Variants in FMNL2 observed in about 807,000 individuals in gnomAD.
The protein encoded by FMNL2 is formin-like protein 2.
Under a neutral mutation model 130.2 loss-of-function variants are expected in FMNL2, and 51 were observed. The observed-to-expected ratio is 0.39, with a 90% CI of 0.31 to 0.49. The LOEUF is 0.49. Ranked by LOEUF, FMNL2 falls within the 20% of genes least tolerant of loss-of-function variation. The pLI is 0.85. For synonymous variants in FMNL2, 465 were observed against 467.1 expected (o/e 1.00, Z 0.06); for missense variants, 977 against 1,316.2 (o/e 0.74, Z 3.99).
At chr2:152,499,687 T>G (rs1341549841) in intron 1 of FMNL2, among the ~76,000 whole-genome samples, 1 of 152,184 alleles carries the variant, frequency 6.6e-6, no homozygotes. Flanking sequence ...TGAATAGGTT[T>G]CTGCTGGCAG....
intron 1 of FMNL2, among the ~76,000 whole-genome samples, chr2:152,464,651 A>G (rs571108113): frequency 8.7e-4 from 133 of 152,338 alleles, no homozygotes; most frequent in African/African-American, 3.1e-3. Context: ...GATTGAGTGT[A>G]AAATGAGTTA....
At position 152,629,570 on chromosome 2, in the gene FMNL2, C is replaced by A. The variant is rs555960204; in HGVS notation, c.2401-86C>A. 218 of 1,262,580 alleles carry A rather than the reference C, an allele frequency of 1.7e-4. No homozygotes were observed. The East Asian group carries it at 5.2e-3, about 30-fold the overall frequency. 78.2% of individuals were successfully genotyped at this position (1,262,580 alleles called of 1,614,324 possible). ...TATGCTCTAAATGCAGGCCTGTTTT[C>A]TTCTGTCTTAATATTTACTTGCCAA... is the stretch of plus-strand genomic sequence containing the variant. On this transcript the variant is annotated intron_variant, in intron 18 of 25. Transcript: ENST00000288670.
At chr2:152,563,240 T>A (rs1695632827) in intron 6 of FMNL2, among the ~76,000 whole-genome samples, 3 of 152,244 alleles carry the variant, frequency 2.0e-5, no homozygotes, top group African/African-American at 7.2e-5. Flanking sequence ...ATGATGTTTC[T>A]GGTTGGCAGG....
intron 1 of FMNL2, among the ~76,000 whole-genome samples, chr2:152,341,313 T>C (rs755325209): frequency 3.9e-5 from 6 of 152,194 alleles, no homozygotes; most frequent in African/African-American, 7.2e-5. Flanking sequence ...ATGCATTTTT[T>C]CCTCCTAATA....
intron 3 of FMNL2, among the ~76,000 whole-genome samples, chr2:152,547,095 G>A (rs1290315862): frequency 2.0e-5 from 3 of 152,034 alleles, no homozygotes; most frequent in African/African-American, 7.2e-5. Flanking sequence ...ACAGGCTTGT[G>A]CTACCATGCC....
At chr2:152,479,714 GGTTGT>G (rs1334892194) in intron 1 of FMNL2, among the ~76,000 whole-genome samples, 2 of 125,286 alleles carry the variant, frequency 1.6e-5, no homozygotes, top group Non-Finnish European at 3.1e-5. Flanking sequence ...GGATGTTGTG[GGTTGT>G]TTTTTTTTTT....
At chr2:152,404,758 A>G (rs997080926) in intron 1 of FMNL2, among the ~76,000 whole-genome samples, 1 of 152,180 alleles carries the variant, frequency 6.6e-6, no homozygotes, top group Non-Finnish European at 1.5e-5. Flanking sequence ...CTACCATCCT[A>G]GAGTGGGTGT....
chr2:152,595,412 C>T (rs1017609384), intron 9 of FMNL2, among the ~76,000 whole-genome samples: 2 of 151,798 alleles, frequency 1.3e-5, no homozygotes, highest in African/African-American at 4.8e-5. Context: ...CCTCCACCTC[C>T]CGAGTTCAGG....
chr2:152,478,229 CATATATATATAT>C (rs1553462980), intron 1 of FMNL2, among the ~76,000 whole-genome samples: 3 of 116,884 alleles, frequency 2.6e-5, no homozygotes, highest in East Asian at 5.1e-4. Flanking sequence ...TACATATATA[CATATATATATAT>C]ATATATATAT....
intron 6 of FMNL2, among the ~76,000 whole-genome samples, chr2:152,565,605 T>C (rs1042073625): frequency 5.9e-5 from 9 of 152,220 alleles, no homozygotes; most frequent in African/African-American, 1.9e-4. Context: ...CTTCTTTTAC[T>C]TTCCTGAATA....
intron 3 of FMNL2, 54 bp downstream of exon 3, chr2:152,542,873 A>G (rs1694391645): frequency 1.3e-6 from 2 of 1,575,042 alleles, no homozygotes; most frequent in Admixed American, 3.4e-5. Flanking sequence ...AGCGAGCAGA[A>G]TCCTCCTGCA....
chr2:152,484,427 G>A (rs1453777727), intron 1 of FMNL2, among the ~76,000 whole-genome samples: 1 of 151,546 alleles, frequency 6.6e-6, no homozygotes, highest in African/African-American at 2.4e-5. Flanking sequence ...ATCACTTGAG[G>A]CCATGAGTTT....
chr2:152,356,798 C>T (rs775783548), intron 1 of FMNL2, among the ~76,000 whole-genome samples: 1 of 150,604 alleles, frequency 6.6e-6, no homozygotes, highest in Non-Finnish European at 1.5e-5. Flanking sequence ...TGCTGAAGTG[C>T]TGTCCAGTGT....
intron 1 of FMNL2, among the ~76,000 whole-genome samples, chr2:152,490,303 G>A (rs1242072279): frequency 6.6e-6 from 1 of 151,886 alleles, no homozygotes; most frequent in Non-Finnish European, 1.5e-5. Context: ...TTTGGGGGCT[G>A]GGAAGACAAG....
intron 1 of FMNL2, among the ~76,000 whole-genome samples, chr2:152,486,891 G>A (rs1036148592): frequency 6.6e-6 from 1 of 152,138 alleles, no homozygotes; most frequent in Non-Finnish European, 1.5e-5. Flanking sequence ...GAATATTCTA[G>A]CAAAATATAA....
chr2:152,368,915 C>T (rs1279333338), intron 1 of FMNL2, among the ~76,000 whole-genome samples: 2 of 3,962 alleles, frequency 5.0e-4, no homozygotes, highest in Non-Finnish European at 8.7e-3. Flanking sequence ...CATGGAATTA[C>T]ATTTGTGGTT....
intron 6 of FMNL2, among the ~76,000 whole-genome samples, chr2:152,572,463 G>A (rs1199056033): frequency 6.6e-6 from 1 of 152,078 alleles, no homozygotes; most frequent in African/African-American, 2.4e-5. Flanking sequence ...TCCTCATTCT[G>A]TTGCTGTTTT....
At chr2:152,611,885 G>A (rs1698702950) in intron 11 of FMNL2, among the ~76,000 whole-genome samples, 1 of 152,156 alleles carries the variant, frequency 6.6e-6, no homozygotes, top group South Asian at 2.1e-4. Context: ...CTCCTTTTGA[G>A]CTTCATCTGG....
chr2:152,588,953 G>T (rs1307052744), intron 9 of FMNL2, among the ~76,000 whole-genome samples: 1 of 152,018 alleles, frequency 6.6e-6, no homozygotes, highest in African/African-American at 2.4e-5. Flanking sequence ...GGGTGTGTTT[G>T]GGGTCTGAGA....
Sources: allele counts gnomAD v4.1 joint callset (sites outside exome capture counted in the v4.1 genomes callset), GRCh38; gene constraint gnomAD v4.1.1; transcripts MANE v1.5; gene names NCBI Gene and HGNC (gene_info 2026-07-23, HGNC 2026-07-21).